Variants in MANBA observed in about 807,000 individuals in gnomAD.
The protein encoded by MANBA is beta-mannosidase.
In MANBA, 83 loss-of-function variants were observed where a neutral mutation model predicts 111.1. That is an observed-to-expected ratio of 0.75 (90% confidence interval 0.63 to 0.90). MANBA has a LOEUF of 0.90. Ranked by LOEUF, MANBA falls within the 40% of genes least tolerant of loss-of-function variation. The pLI, the probability that MANBA is intolerant of heterozygous loss-of-function variation, is 0.00. For synonymous variants in MANBA, 370 were observed against 378.7 expected (o/e 0.98, Z 0.27); for missense variants, 1,036 against 1,069.0 (o/e 0.97, Z 0.43).
At chr4:102,696,633 TCTGCAAACA>T (rs1732721299) in intron 5 of MANBA, among the ~76,000 whole-genome samples, 1 of 152,150 alleles carries the variant, frequency 6.6e-6, no homozygotes, top group African/African-American at 2.4e-5. Flanking sequence ...AAGGGATGAA[TCTGCAAACA>T]CTGGTAGATG....
At chr4:102,721,222 G>A (rs113958091) in intron 4 of MANBA, among the ~76,000 whole-genome samples, 7,328 of 152,202 alleles carry the variant, frequency 0.048, 524 homozygotes, top group African/African-American at 0.15. Context: ...TACTCAGGGG[G>A]CTGAGGCAAG....
intron 7 of MANBA, 54 bp from the exon 8 acceptor site, chr4:102,674,124 GTT>G: frequency 7.1e-7 from 1 of 1,409,604 alleles, no homozygotes; most frequent in Non-Finnish European, 9.9e-7. Flanking sequence ...AAGCAAAATA[GTT>G]TTTTTAAAAA....
Position 102,692,161 on chromosome 4 carries a change from T to C in MANBA, c.674-1390A>G, listed in dbSNP as rs183595989. On this transcript the variant is annotated intron_variant, in intron 5 of 16. Coordinates refer to ENST00000647097, the MANE Select transcript of MANBA (RefSeq NM_005908.4). ...TGCTAAAGGTCCCAGCACAGTGATA[T>C]ACAAGGATGAATATGAAAGAAGCAG... Among the ~76,000 whole-genome samples, 29 of 152,190 alleles carry C rather than the reference T, an allele frequency of 1.9e-4. No homozygotes were observed. The East Asian group carries it at 5.2e-3, about 27-fold the overall frequency.
At chr4:102,647,593 T>A (rs1466076034) in intron 13 of MANBA, among the ~76,000 whole-genome samples, 1 of 151,968 alleles carries the variant, frequency 6.6e-6, no homozygotes, top group Non-Finnish European at 1.5e-5. Flanking sequence ...AATCAGCCTA[T>A]TTTATATGTC....
At chr4:102,690,444 A>G (rs533227111) in intron 6 of MANBA, 152 bp downstream of exon 6, 1 of 615,200 alleles carries the variant, frequency 1.6e-6, no homozygotes, top group South Asian at 2.2e-5. Flanking sequence ...TACTCACAGA[A>G]AATATATGAG....
At chr4:102,751,439 GA>G in intron 1 of MANBA, 1 of 502,646 alleles carries the variant, frequency 2.0e-6, no homozygotes. Flanking sequence ...CCGATAACAA[GA>G]AATATGCTGT....
chr4:102,748,333 T>A lies in MANBA; in HGVS notation c.177+12385A>T, dbSNP rs146939891. Among the ~76,000 whole-genome samples the A allele has an allele frequency of 5.2e-3, 787 of 152,276 alleles. 6 individuals are homozygous for A. Among genetic ancestry groups the A allele is most frequent in the African/African-American group, 0.018 (740 of 41,550 alleles). On this transcript the variant is annotated intron_variant, in intron 1 of 16. Coordinates refer to ENST00000647097, the MANE Select transcript of MANBA (RefSeq NM_005908.4). ...GCTTAGAACAGTTCTTGGTACATAG[T>A]GTGCACTCAAAAATGATAGCTATCT...
chr4:102,675,321 T>C (rs1443210853), intron 7 of MANBA, among the ~76,000 whole-genome samples: 2 of 152,238 alleles, frequency 1.3e-5, no homozygotes, highest in African/African-American at 4.8e-5. Context: ...GATGTGTGCC[T>C]ACTTCATCAC....
rs978671367 is a variant in MANBA, at chr4:102,669,919, G to A, written c.1231-870C>T. ...GGCGTGAACCCAGGAGGCAGAGCTT[G>A]CAGTGAGCCAAGATTGTGCCACTGC... is the stretch of plus-strand genomic sequence containing the variant. On this transcript the variant is annotated intron_variant, in intron 9 of 16. Transcript: ENST00000647097. 2.0e-5 allele frequency among the ~76,000 whole-genome samples: 3 copies of A among 152,218 alleles called. No homozygotes were observed. The South Asian group carries it at 6.2e-4, about 32-fold the overall frequency.
At chr4:102,716,306 T>A (rs1421420835) in intron 4 of MANBA, among the ~76,000 whole-genome samples, 1 of 72,630 alleles carries the variant, frequency 1.4e-5, no homozygotes, top group Non-Finnish European at 2.4e-5. Context: ...TGAAACTCAG[T>A]CTCAAAAAAA....
At chr4:102,659,234 T>A (rs913594967) in intron 11 of MANBA, among the ~76,000 whole-genome samples, 6 of 152,176 alleles carry the variant, frequency 3.9e-5, no homozygotes, top group Admixed American at 6.5e-5. Flanking sequence ...TGAAACCAGA[T>A]ACTGAACAAG....
At chr4:102,650,458 A>G in intron 13 of MANBA, 79 bp downstream of exon 13, 2 of 1,403,030 alleles carry the variant, frequency 1.4e-6, no homozygotes, top group South Asian at 1.2e-5. Flanking sequence ...ATTTTTCACC[A>G]TATATGGCCT....
Position 102,726,663 on chromosome 4 carries a change from A to T in MANBA, c.198T>A (p.Asn66Lys). The change falls in exon 2 of 17, where the codon AAT becomes AAA. Residue 66 changes from asparagine (N) to lysine (K), a missense_variant. Asn to Lys is a moderately conservative substitution (Grantham distance 94). Transcript: ENST00000647097. ...AAGAGACCCATCTGTAGTTAAGGTC[A>T]TTAAATCTGTAGTAAGAATCCTGTT... is the stretch of plus-strand genomic sequence containing the variant. Reference protein sequence around the residue: ...GLIQDSYYRFNDLNYRWVSLD... With the variant: ...GLIQDSYYRFKDLNYRWVSLD... 1 of 1,557,550 alleles carries T rather than the reference A, an allele frequency of 6.4e-7. No individual in the cohort carries two copies. The highest frequency in any genetic ancestry group is 8.9e-7 in the Non-Finnish European group (1 of 1,129,182).
At chr4:102,677,647 A>AT (rs1190984721) in intron 7 of MANBA, among the ~76,000 whole-genome samples, 2 of 152,096 alleles carry the variant, frequency 1.3e-5, no homozygotes, top group African/African-American at 2.4e-5. Context: ...TGAAAAGACT[A>AT]TTTTTTCCCT....
At chr4:102,668,170 G>A (rs1358083430) in intron 10 of MANBA, 1 of 152,156 alleles carries the variant, frequency 6.6e-6, no homozygotes, top group East Asian at 1.9e-4. Flanking sequence ...TTCAAAGCAT[G>A]ATCATCCCCT....
intron 5 of MANBA, among the ~76,000 whole-genome samples, chr4:102,694,835 C>T (rs1341603876): frequency 3.3e-5 from 5 of 151,948 alleles, no homozygotes; most frequent in Non-Finnish European, 7.4e-5. Context: ...GCCTTGAGGC[C>T]CTCCCTGGCC....
chr4:102,756,955 G>A (rs1319914350), intron 1 of MANBA, among the ~76,000 whole-genome samples: 1 of 152,096 alleles, frequency 6.6e-6, no homozygotes, highest in Non-Finnish European at 1.5e-5. Context: ...TCACTAAAGT[G>A]GCCTCCCACA....
chr4:102,632,890 G>A (rs1469503470), intron 16 of MANBA, among the ~76,000 whole-genome samples: 8 of 152,220 alleles, frequency 5.3e-5, no homozygotes, highest in Non-Finnish European at 1.0e-4. Flanking sequence ...TTAAGTAGCC[G>A]AATAGCATAT....
chr4:102,751,698 G>A (rs1723806872), intron 1 of MANBA: 2 of 542,714 alleles, frequency 3.7e-6, no homozygotes, highest in South Asian at 2.8e-5. Flanking sequence ...CATGTTCCAT[G>A]ATGACTGGAT....
Sources: allele counts gnomAD v4.1 joint callset (sites outside exome capture counted in the v4.1 genomes callset), GRCh38; gene constraint gnomAD v4.1.1; transcripts MANE v1.5; gene names NCBI Gene and HGNC (gene_info 2026-07-23, HGNC 2026-07-21).